Variants in LRMDA observed in about 807,000 individuals in gnomAD.
LRMDA encodes leucine-rich melanocyte differentiation-associated protein.
In LRMDA, 18 loss-of-function variants were observed where a neutral mutation model predicts 29.8. The ratio of observed to expected loss-of-function variants is 0.60; its 90% CI spans 0.42 to 0.90. The LOEUF (loss-of-function observed/expected upper bound fraction) is 0.90, where lower values mean the gene tolerates loss of function less well. Among genes scored for constraint, LRMDA ranks in the 40% least tolerant of loss-of-function variants. LRMDA has a pLI of 0.00. For missense variants in LRMDA, 273 were observed against 273.9 expected (o/e 1.00, Z 0.02); for synonymous variants, 125 against 109.4 (o/e 1.14, Z -0.89).
At chr10:75,628,069 A>G (rs968212302) in intron 2 of LRMDA, among the ~76,000 whole-genome samples, 4 of 152,182 alleles carry the variant, frequency 2.6e-5, no homozygotes, top group Non-Finnish European at 5.9e-5. Context: ...TGAAATTTGG[A>G]AAATATATCT....
intron 5 of LRMDA, among the ~76,000 whole-genome samples, chr10:76,138,703 C>A (rs553194782): frequency 4.7e-4 from 72 of 152,254 alleles, no homozygotes; most frequent in African/African-American, 1.7e-3. Flanking sequence ...GTTGGTAGAG[C>A]CCAAATACCA....
chr10:76,526,247 G>A (rs535669208), intron 6 of LRMDA, among the ~76,000 whole-genome samples: 2 of 152,292 alleles, frequency 1.3e-5, no homozygotes, highest in Admixed American at 1.3e-4. Context: ...TCACTCAGAA[G>A]TGAGAATGGA....
At chr10:76,254,818 G>A (rs944428908) in intron 5 of LRMDA, among the ~76,000 whole-genome samples, 1 of 87,732 alleles carries the variant, frequency 1.1e-5, no homozygotes, top group African/African-American at 5.6e-5. Context: ...TTTAGTTCAA[G>A]TTCATTTTAT....
At chr10:75,731,870 A>G (rs1341007516) in intron 2 of LRMDA, among the ~76,000 whole-genome samples, 2 of 152,206 alleles carry the variant, frequency 1.3e-5, no homozygotes, top group African/African-American at 2.4e-5. Context: ...CTTTGTCTTT[A>G]TATTTTCATA....
chr10:75,942,711 AGG>A (rs1846412632), intron 2 of LRMDA, among the ~76,000 whole-genome samples: 1 of 152,150 alleles, frequency 6.6e-6, no homozygotes, highest in South Asian at 2.1e-4. Context: ...TGTGCTGATG[AGG>A]GATGCTGGTT....
intron 2 of LRMDA, among the ~76,000 whole-genome samples, chr10:75,480,554 T>TGTCCAGATCTCAGGCA (rs1844844539): frequency 6.6e-6 from 1 of 152,120 alleles, no homozygotes. Context: ...CAACAGACAA[T>TGTCCAGATCTCAGGCA]GAACAAGTGT....
chr10:76,285,299 C>A (rs1840257973), intron 5 of LRMDA, among the ~76,000 whole-genome samples: 1 of 152,066 alleles, frequency 6.6e-6, no homozygotes, highest in African/African-American at 2.4e-5. Context: ...AGGGAGTAGT[C>A]AGGCACTCTA....
chr10:76,449,891 T>G (rs1332597118), intron 6 of LRMDA, among the ~76,000 whole-genome samples: 1 of 152,098 alleles, frequency 6.6e-6, no homozygotes, highest in Non-Finnish European at 1.5e-5. Context: ...CAACATTTTA[T>G]GATAAAATCC....
chr10:75,434,561 G>A (rs763859029), intron 1 of LRMDA, among the ~76,000 whole-genome samples: 3 of 152,144 alleles, frequency 2.0e-5, no homozygotes, highest in Non-Finnish European at 2.9e-5. Flanking sequence ...TTTCTACTCC[G>A]ACAGCTTCCA....
At chr10:76,147,306 T>C (rs1416584384) in intron 5 of LRMDA, among the ~76,000 whole-genome samples, 1 of 152,188 alleles carries the variant, frequency 6.6e-6, no homozygotes, top group African/African-American at 2.4e-5. Flanking sequence ...ATTCTCCCCG[T>C]CACTTTCAGG....
chr10:76,199,066 A>C (rs1851381356), intron 5 of LRMDA, among the ~76,000 whole-genome samples: 3 of 152,178 alleles, frequency 2.0e-5, no homozygotes, highest in Admixed American at 6.5e-5. Context: ...AAAATGACTA[A>C]GGTATAGGGT....
At chr10:76,513,036 C>T (rs1405739054) in intron 6 of LRMDA, among the ~76,000 whole-genome samples, 4 of 152,228 alleles carry the variant, frequency 2.6e-5, no homozygotes, top group Middle Eastern at 3.4e-3. Context: ...CCTGTTTGCC[C>T]TCTACTTTGC....
At chr10:75,850,102 T>C (rs1844706443) in intron 2 of LRMDA, among the ~76,000 whole-genome samples, 1 of 152,216 alleles carries the variant, frequency 6.6e-6, no homozygotes, top group Non-Finnish European at 1.5e-5. Flanking sequence ...TAACTCAGCA[T>C]GGATAGTCTA....
intron 2 of LRMDA, among the ~76,000 whole-genome samples, chr10:75,580,526 C>A (rs1166269320): frequency 1.3e-5 from 2 of 152,220 alleles, no homozygotes; most frequent in Non-Finnish European, 2.9e-5. Context: ...CCTTTCCCAT[C>A]AAGCCACCAT....
intron 2 of LRMDA, among the ~76,000 whole-genome samples, chr10:75,467,124 C>T (rs561897407): frequency 5.1e-4 from 78 of 152,244 alleles, no homozygotes; most frequent in African/African-American, 1.7e-3. Flanking sequence ...GCATCAAGTA[C>T]GACGACGTGG....
chr10:75,692,476 T>C (rs147583338), intron 2 of LRMDA, among the ~76,000 whole-genome samples: 6 of 150,474 alleles, frequency 4.0e-5, no homozygotes, highest in East Asian at 3.9e-4. Context: ...CACATACACA[T>C]ACACACGTAT....
intron 2 of LRMDA, among the ~76,000 whole-genome samples, chr10:75,657,622 G>C (rs192844202): frequency 3.3e-5 from 5 of 152,274 alleles, no homozygotes; most frequent in African/African-American, 1.2e-4. Context: ...ACACCAGTAT[G>C]TACCTTTGAG....
chr10:76,107,393 A>G (rs972741243), intron 5 of LRMDA, among the ~76,000 whole-genome samples: 3 of 152,186 alleles, frequency 2.0e-5, no homozygotes, highest in Non-Finnish European at 2.9e-5. Context: ...AGCGGCTTAG[A>G]TGCAGAGAGA....
chr10:75,935,782 C>G (rs529045325), intron 2 of LRMDA, among the ~76,000 whole-genome samples: 1 of 152,094 alleles, frequency 6.6e-6, no homozygotes, highest in East Asian at 1.9e-4. Flanking sequence ...ACTGGGAAGC[C>G]GTCTGTCCAC....
Sources: gnomAD v4.1 joint callset for allele counts (sites outside exome capture counted in the v4.1 genomes callset) on GRCh38, gnomAD v4.1.1 for gene constraint, MANE v1.5 for transcripts, NCBI Gene and HGNC (gene_info 2026-07-23, HGNC 2026-07-21) for gene names.